Variants in EYS observed in about 807,000 individuals in gnomAD.
EYS encodes EGF-like photoreceptor maintenance factor.
Under a neutral mutation model 282.1 loss-of-function variants are expected in EYS, and 250 were observed. The observed-to-expected ratio is 0.89, with a 90% CI of 0.80 to 0.98. The LOEUF (loss-of-function observed/expected upper bound fraction) is 0.98, where lower values mean the gene tolerates loss of function less well. Among genes scored for constraint, EYS ranks in the 50% least tolerant of loss-of-function variants. The pLI, the probability that EYS is intolerant of heterozygous loss-of-function variation, is 0.00. For synonymous variants in EYS, 1,355 were observed against 1,282.9 expected (o/e 1.06, Z -1.20); for missense variants, 4,016 against 3,709.0 (o/e 1.08, Z -2.15).
intron 24 of EYS, among the ~76,000 whole-genome samples, chr6:64,595,594 A>G (rs892369836): frequency 6.6e-6 from 1 of 152,226 alleles, no homozygotes; most frequent in African/African-American, 2.4e-5. Context: ...GTGAAATTGT[A>G]GAATAAAAAA....
chr6:65,350,096 G>A (rs918029644), intron 9 of EYS, among the ~76,000 whole-genome samples: 2 of 151,240 alleles, frequency 1.3e-5, no homozygotes, highest in Non-Finnish European at 3.0e-5. Context: ...TACTATAAGT[G>A]ATATGAATGA....
At chr6:65,087,355 C>T (rs1211321432) in intron 12 of EYS, among the ~76,000 whole-genome samples, 3 of 152,078 alleles carry the variant, frequency 2.0e-5, no homozygotes, top group East Asian at 1.9e-4. Flanking sequence ...CATTGGTGCC[C>T]TCTTATTGCC....
At chr6:65,665,077 G>C (rs1768150366) in intron 1 of EYS, among the ~76,000 whole-genome samples, 1 of 152,008 alleles carries the variant, frequency 6.6e-6, no homozygotes, top group African/African-American at 2.4e-5. Context: ...CTTTCTTTGA[G>C]GGAAATCTTC....
chr6:64,738,710 C>A (rs1168209151), intron 22 of EYS, among the ~76,000 whole-genome samples: 1 of 152,116 alleles, frequency 6.6e-6, no homozygotes, highest in Non-Finnish European at 1.5e-5. Context: ...TTAAAAATAT[C>A]ATGACAAGAT....
intron 14 of EYS, among the ~76,000 whole-genome samples, chr6:64,976,898 TA>T (rs1770490504): frequency 6.6e-6 from 1 of 151,960 alleles, no homozygotes; most frequent in Non-Finnish European, 1.5e-5. Flanking sequence ...TATTATTTTT[TA>T]TTATTTTTTT....
At chr6:65,530,661 A>G (rs1464846371) in intron 2 of EYS, among the ~76,000 whole-genome samples, 2 of 152,150 alleles carry the variant, frequency 1.3e-5, no homozygotes, top group African/African-American at 4.8e-5. Context: ...TATACCTGCC[A>G]TCTTGACAAA....
chr6:65,516,312 C>A (rs1202638960), intron 2 of EYS, among the ~76,000 whole-genome samples: 1 of 152,052 alleles, frequency 6.6e-6, no homozygotes, highest in Non-Finnish European at 1.5e-5. Flanking sequence ...CTGTCTAATT[C>A]TAAGAATTTA....
At chr6:65,619,899 G>C (rs1224259435) in intron 2 of EYS, among the ~76,000 whole-genome samples, 1 of 151,094 alleles carries the variant, frequency 6.6e-6, no homozygotes, top group Non-Finnish European at 1.5e-5. Flanking sequence ...TCCCAGGGAT[G>C]AAGCCCACTT....
intron 12 of EYS, among the ~76,000 whole-genome samples, chr6:65,137,513 G>A (rs1220581811): frequency 6.6e-6 from 1 of 152,006 alleles, no homozygotes; most frequent in Non-Finnish European, 1.5e-5. Flanking sequence ...GGAGAATCAG[G>A]GAGAAGATCA....
chr6:64,662,445 A>G (rs1347947433), intron 22 of EYS, among the ~76,000 whole-genome samples: 4 of 152,156 alleles, frequency 2.6e-5, no homozygotes, highest in Non-Finnish European at 4.4e-5. Context: ...TGTCCAGTAG[A>G]GATGCAAATA....
At chr6:65,387,932 T>C (rs1389985815) in intron 7 of EYS, among the ~76,000 whole-genome samples, 1 of 152,050 alleles carries the variant, frequency 6.6e-6, no homozygotes, top group Admixed American at 6.6e-5. Flanking sequence ...TCAGTTTCAA[T>C]GCTGTCATTG....
intron 36 of EYS, among the ~76,000 whole-genome samples, chr6:63,863,495 G>A (rs80099615): frequency 0.013 from 2,014 of 151,762 alleles, 39 homozygotes; most frequent in African/African-American, 0.045. Flanking sequence ...TTGTACTCTC[G>A]GTTTGCCAAA....
Position 65,199,525 on chromosome 6 carries a change from G to A in EYS, c.2023+96338C>T, listed in dbSNP as rs116347699. 7.1e-3 allele frequency among the ~76,000 whole-genome samples: 1,079 copies of A among 152,154 alleles called. 13 individuals are homozygous for A. The highest frequency in any genetic ancestry group is 0.024 in the African/African-American group (1,003 of 41,526). On this transcript the variant is annotated intron_variant, in intron 12 of 42. Coordinates refer to ENST00000503581, the MANE Select transcript of EYS (RefSeq NM_001142800.2). The stretch of plus-strand genomic sequence containing the variant: ...CCGAGGTCTCAGACTTTAAAGCAGC[G>A]TATAATTTATTTAGAAACCAGACAG...
At chr6:64,640,263 T>C (rs1256021690) in intron 22 of EYS, among the ~76,000 whole-genome samples, 30 of 143,936 alleles carry the variant, frequency 2.1e-4, no homozygotes, top group Admixed American at 2.0e-3. Flanking sequence ...TAAAGACACA[T>C]GCACATGTAT....
At chr6:63,890,530 A>C (rs1449910342) in intron 35 of EYS, among the ~76,000 whole-genome samples, 1 of 152,240 alleles carries the variant, frequency 6.6e-6, no homozygotes, top group Non-Finnish European at 1.5e-5. Flanking sequence ...AGAAATAAAT[A>C]AGTTATTTGA....
intron 12 of EYS, among the ~76,000 whole-genome samples, chr6:65,209,222 T>C (rs796386894): frequency 1.3e-4 from 19 of 151,824 alleles, no homozygotes; most frequent in African/African-American, 4.3e-4. Flanking sequence ...TAGTAAAATG[T>C]AATAGCAGCA....
intron 26 of EYS, among the ~76,000 whole-genome samples, chr6:64,492,883 A>G (rs966341635): frequency 1.3e-5 from 2 of 151,400 alleles, no homozygotes; most frequent in Non-Finnish European, 3.0e-5. Flanking sequence ...CTCTGCTTTA[A>G]GCACAGTTCT....
At chr6:64,145,423 GT>G (rs1774481589) in intron 31 of EYS, among the ~76,000 whole-genome samples, 1 of 152,176 alleles carries the variant, frequency 6.6e-6, no homozygotes, top group African/African-American at 2.4e-5. Context: ...AGAAATAAAA[GT>G]GTGATTACCA....
chr6:65,131,939 C>CAAA lies in EYS; in HGVS notation c.2024-74213_2024-74212insTTT, dbSNP rs1348475927. The stretch of plus-strand genomic sequence containing the variant: ...TAACTGTCAGAAACTACCATGAACA[C>CAAA]CTCTATGCACACAAACTGGAAAACT... On this transcript the variant is annotated intron_variant, in intron 12 of 42. Transcript: ENST00000503581. Among the ~76,000 whole-genome samples the CAAA allele has an allele frequency of 4.1e-4, 63 of 151,932 alleles. 3 individuals are homozygous for CAAA. Among genetic ancestry groups the CAAA allele is most frequent in the Admixed American group, 4.1e-3 (62 of 15,188 alleles).
Sources: allele counts gnomAD v4.1 joint callset (sites outside exome capture counted in the v4.1 genomes callset), GRCh38; gene constraint gnomAD v4.1.1; transcripts MANE v1.5; gene names NCBI Gene and HGNC (gene_info 2026-07-23, HGNC 2026-07-21).